The following LRP5 variants were observed in gnomAD, a reference collection of about 807,000 sequenced individuals.
The protein encoded by LRP5 is low-density lipoprotein receptor-related protein 5.
In LRP5, 62 loss-of-function variants were observed where a neutral mutation model predicts 154.1. That is an observed-to-expected ratio of 0.40 (90% CI 0.33 to 0.50). The LOEUF (loss-of-function observed/expected upper bound fraction) is 0.50. Ranked by LOEUF, LRP5 falls within the 20% of genes least tolerant of loss-of-function variation. LRP5 has a pLI of 0.55. For missense variants in LRP5, 1,915 were observed against 2,336.7 expected (o/e 0.82, Z 3.72); for synonymous variants, 966 against 1,011.5 (o/e 0.96, Z 0.85).
Position 68,348,118 on chromosome 11 carries a change from G to A in LRP5, c.363G>A (p.Lys121=), listed in dbSNP as rs777601488. 3.7e-6 allele frequency: 6 copies of A among 1,614,148 alleles called. No individual in the cohort carries two copies. In the South Asian group the frequency reaches 4.4e-5, roughly 12 times the overall value. The change falls in exon 2 of 23, where the codon AAG becomes AAA. Residue 121 remains lysine, a synonymous_variant. Coordinates refer to ENST00000294304, the MANE Select transcript of LRP5 (RefSeq NM_002335.4). ...DGLACDWVGK[K]LYWTDSETNR... is the part of the protein sequence containing the mutation. ...TCGCCTGCGACTGGGTGGGCAAGAA[G>A]CTGTACTGGACGGACTCAGAGACCA... is the stretch of plus-strand genomic sequence containing the variant.
intron 1 of LRP5, among the ~76,000 whole-genome samples, chr11:68,330,262 G>T (rs1441839596): frequency 1.4e-5 from 2 of 145,706 alleles, no homozygotes; most frequent in Non-Finnish European, 3.0e-5. Context: ...GCACATGCGC[G>T]GCCACTGCAA....
At chr11:68,421,721 T>TGTGTGG (rs2098665787) in intron 13 of LRP5, among the ~76,000 whole-genome samples, 1 of 127,356 alleles carries the variant, frequency 7.9e-6, no homozygotes, top group Non-Finnish European at 1.8e-5. Flanking sequence ...TGTGTGTGTG[T>TGTGTGG]GTGGTGTGTG....
intron 18 of LRP5, among the ~76,000 whole-genome samples, chr11:68,435,185 A>C (rs2098674192): frequency 6.6e-6 from 1 of 152,246 alleles, no homozygotes; most frequent in African/African-American, 2.4e-5. Context: ...CTTGACAGAC[A>C]GAGCTTCCCC....
chr11:68,369,734 G>A (rs942280812), intron 5 of LRP5, among the ~76,000 whole-genome samples: 3 of 152,082 alleles, frequency 2.0e-5, no homozygotes, highest in African/African-American at 7.2e-5. Context: ...GCTCCCTCAC[G>A]TATCAGAGTT....
intron 1 of LRP5, among the ~76,000 whole-genome samples, chr11:68,340,584 G>T (rs1168598324): frequency 3.9e-5 from 6 of 152,198 alleles, no homozygotes; most frequent in Admixed American, 3.9e-4. Context: ...TGAGGTCAGA[G>T]GGGTTGAGTG....
chr11:68,439,819 TGGG>T lies in LRP5; in HGVS notation c.4395_4397del (p.Gly1466del), dbSNP rs2098677149. The T allele has an allele frequency of 2.5e-6, 4 of 1,611,160 alleles. No homozygotes were observed. The Admixed American group carries it at 6.7e-5, about 27-fold the overall frequency. ...TCCATGATGAGCTCCGTGAGCCTGATGGGGGGCCGGGGCGGGGTGCCCCTCTAC... is the reference window on the plus strand; with the variant it reads ...TCCATGATGAGCTCCGTGAGCCTGATGGGCCGGGGCGGGGTGCCCCTCTAC... On this transcript the variant is annotated inframe_deletion, in exon 21 of 23. Coordinates refer to ENST00000294304, the MANE Select transcript of LRP5 (RefSeq NM_002335.4).
At chr11:68,448,234 A>G (rs955399346) in intron 22 of LRP5, among the ~76,000 whole-genome samples, 2 of 152,192 alleles carry the variant, frequency 1.3e-5, no homozygotes, top group Non-Finnish European at 2.9e-5. Context: ...TGATTCAATC[A>G]TCTCCCACTG....
intron 21 of LRP5, chr11:68,445,534 T>C: frequency 1.7e-6 from 2 of 1,208,668 alleles, no homozygotes; most frequent in Non-Finnish European, 2.2e-6. Context: ...ACTGAGTCCC[T>C]CGGGCATAAC....
chr11:68,404,513 T>C (rs537545315), intron 8 of LRP5: 1 of 488,124 alleles, frequency 2.0e-6, no homozygotes, highest in South Asian at 1.5e-5. Flanking sequence ...AGGGAGCAGG[T>C]TGGGGCAGAA....
chr11:68,421,725 G>T (rs868144493), intron 13 of LRP5, among the ~76,000 whole-genome samples: 14 of 98,218 alleles, frequency 1.4e-4, no homozygotes, highest in South Asian at 3.1e-4. Flanking sequence ...TGTGTGTGTG[G>T]TGTGTGTGTG....
At chr11:68,349,658 G>A (rs902066008) in intron 2 of LRP5, among the ~76,000 whole-genome samples, 61 of 152,212 alleles carry the variant, frequency 4.0e-4, no homozygotes, top group Non-Finnish European at 9.0e-4. Flanking sequence ...CCCAGGTGGG[G>A]AGAGCGTGGG....
intron 1 of LRP5, among the ~76,000 whole-genome samples, chr11:68,342,141 G>T (rs556033781): frequency 5.9e-5 from 9 of 151,908 alleles, no homozygotes; most frequent in Non-Finnish European, 1.2e-4. Context: ...GCCCAGGCTG[G>T]TCTTGAACTC....
At chr11:68,443,347 T>C (rs963042557) in intron 21 of LRP5, among the ~76,000 whole-genome samples, 5 of 149,806 alleles carry the variant, frequency 3.3e-5, no homozygotes, top group African/African-American at 9.8e-5. Flanking sequence ...TAGTAAAAAT[T>C]TAAAAATTAG....
chr11:68,371,672 C>T (rs374285316), intron 5 of LRP5, among the ~76,000 whole-genome samples: 22 of 152,356 alleles, frequency 1.4e-4, no homozygotes, highest in Non-Finnish European at 2.1e-4. Flanking sequence ...GCTGACGGGA[C>T]GCCTCGCCTC....
chr11:68,400,908 T>A (rs2098652290), intron 7 of LRP5, among the ~76,000 whole-genome samples: 1 of 152,076 alleles, frequency 6.6e-6, no homozygotes. Context: ...AGAATAAAAT[T>A]TAAGAGGTAA....
chr11:68,428,709 G>T (rs2153175672), intron 16 of LRP5, among the ~76,000 whole-genome samples: 1 of 149,196 alleles, frequency 6.7e-6, no homozygotes, highest in East Asian at 2.1e-4. Flanking sequence ...CCAAAAAAAG[G>T]TTATGCTCAC....
chr11:68,316,760 C>T (rs11228202), intron 1 of LRP5, among the ~76,000 whole-genome samples: 15,254 of 152,202 alleles, frequency 0.1, 833 homozygotes, highest in Middle Eastern at 0.12. Flanking sequence ...ACTCTCCTGC[C>T]GAGGTTCAGG....
intron 2 of LRP5, among the ~76,000 whole-genome samples, chr11:68,351,522 G>T (rs1262742944): frequency 6.6e-6 from 1 of 152,158 alleles, no homozygotes; most frequent in Non-Finnish European, 1.5e-5. Flanking sequence ...CCCAGGGCCG[G>T]CCTGCGGTTG....
intron 1 of LRP5, among the ~76,000 whole-genome samples, chr11:68,316,327 G>A (rs1459708548): frequency 2.0e-5 from 3 of 151,840 alleles, no homozygotes; most frequent in Non-Finnish European, 4.4e-5. Flanking sequence ...GTTGGAGTGC[G>A]GTGGTGCGAT....
Sources: gnomAD v4.1 joint callset for allele counts (sites outside exome capture counted in the v4.1 genomes callset) on GRCh38, gnomAD v4.1.1 for gene constraint, MANE v1.5 for transcripts, NCBI Gene and HGNC (gene_info 2026-07-23, HGNC 2026-07-21) for gene names.